MND1: variants seen among roughly 807,000 people sequenced by gnomAD.
MND1 encodes the protein meiotic nuclear divisions 1.
MND1 carries 28 observed loss-of-function variants against 35.1 expected under a neutral mutation model. That is an observed-to-expected ratio of 0.80 (90% CI 0.59 to 1.09). MND1 has a LOEUF of 1.09. Ranked by LOEUF, MND1 falls within the 50% of genes least tolerant of loss-of-function variation. The pLI is 0.00. For missense variants in MND1, 213 were observed against 239.6 expected, an observed-to-expected ratio of 0.89 and a Z score of 0.73; for synonymous variants, 69 against 70.5, an observed-to-expected ratio of 0.98 and a Z score of 0.11.
chr4:153,372,862 G>C (rs1773824824), intron 4 of MND1, among the ~76,000 whole-genome samples: 1 of 152,028 alleles, frequency 6.6e-6, no homozygotes, highest in Admixed American at 6.6e-5. Flanking sequence ...TGAACATATA[G>C]GTATTAAGCT....
chr4:153,413,881 T>C (rs1043139312), intron 7 of MND1, among the ~76,000 whole-genome samples: 2 of 152,216 alleles, frequency 1.3e-5, no homozygotes, highest in African/African-American at 2.4e-5. Flanking sequence ...GTTTGTTTTA[T>C]TTCCTTGGGA....
intron 4 of MND1, among the ~76,000 whole-genome samples, chr4:153,368,126 C>G (rs374958987): frequency 1.3e-5 from 2 of 152,130 alleles, no homozygotes; most frequent in African/African-American, 2.4e-5. Context: ...AAACTTTATA[C>G]AAGGTAATTT....
chr4:153,392,461 A>T (rs762297395), intron 4 of MND1, among the ~76,000 whole-genome samples: 1 of 152,092 alleles, frequency 6.6e-6, no homozygotes, highest in Non-Finnish European at 1.5e-5. Context: ...CCAATTATTA[A>T]TTATTTTCTA....
At chr4:153,366,062 G>A (rs1371153877) in intron 4 of MND1, among the ~76,000 whole-genome samples, 1 of 152,164 alleles carries the variant, frequency 6.6e-6, no homozygotes, top group Admixed American at 6.5e-5. Flanking sequence ...GAGGCTCTCT[G>A]GGATAATCTT....
At chr4:153,353,428 T>TATATAC (rs1554008937) in intron 2 of MND1, among the ~76,000 whole-genome samples, 1 of 134,484 alleles carries the variant, frequency 7.4e-6, no homozygotes, top group Non-Finnish European at 1.6e-5. Flanking sequence ...TATATATATA[T>TATATAC]ATATATATAT....
At chr4:153,386,183 T>C (rs1271406639) in intron 4 of MND1, among the ~76,000 whole-genome samples, 1 of 152,010 alleles carries the variant, frequency 6.6e-6, no homozygotes, top group African/African-American at 2.4e-5. Flanking sequence ...TTTTTGTTTT[T>C]TGTTTTTGTT....
chr4:153,381,690 ATATTTTTTTTTTTTTTTTT>A (rs1311699358), intron 4 of MND1: 4 of 27,442 alleles, frequency 1.5e-4, no homozygotes, highest in African/African-American at 4.8e-4. Context: ...ATATATATAT[ATATTTTTTTTTTTTTTTTT>A]TTTTTTTTTT....
chr4:153,359,851 G>C (rs138963087), intron 4 of MND1, among the ~76,000 whole-genome samples: 1 of 143,692 alleles, frequency 7.0e-6, no homozygotes, highest in East Asian at 2.1e-4. Flanking sequence ...GCAATGGTGC[G>C]ATCTCAGCTC....
At chr4:153,387,576 T>C (rs1692530985) in intron 4 of MND1, among the ~76,000 whole-genome samples, 3 of 152,078 alleles carry the variant, frequency 2.0e-5, no homozygotes, top group Admixed American at 6.6e-5. Context: ...CTGGACAACA[T>C]AGTGAGACCC....
intron 4 of MND1, among the ~76,000 whole-genome samples, chr4:153,360,551 A>C (rs1773455443): frequency 6.6e-6 from 1 of 150,806 alleles, no homozygotes; most frequent in Non-Finnish European, 1.5e-5. Context: ...GTCCAAAGTA[A>C]CTGTATTTTA....
At chr4:153,401,121 G>A (rs1404551702) in intron 6 of MND1, among the ~76,000 whole-genome samples, 1 of 152,014 alleles carries the variant, frequency 6.6e-6, no homozygotes, top group African/African-American at 2.4e-5. Context: ...ATGAAAATGG[G>A]GCCAGGCGCA....
chr4:153,378,975 A>G (rs1671498685), intron 4 of MND1, among the ~76,000 whole-genome samples: 1 of 152,220 alleles, frequency 6.6e-6, no homozygotes, highest in Non-Finnish European at 1.5e-5. Context: ...ACATGACATT[A>G]GCAAGTGAGA....
Position 153,397,275 on chromosome 4 carries a change from G to A in MND1, c.408G>A (p.Gln136=). 6.2e-7 allele frequency: 1 copy of A among 1,613,216 alleles called. No individual in the cohort carries two copies. The highest frequency in any genetic ancestry group is 1.1e-5 in the South Asian group (1 of 90,904). ...CTTCACTTCGAGACCAAAGGGAACA[G>A]CTAAAGGCAGAAGTAGAAAAATACA... ...ELSSLRDQRE[Q]LKAEVEKYKD... Residue 136 remains glutamine (Q), a synonymous_variant, in exon 6 of 8, where the codon CAG becomes CAA. Transcript: ENST00000240488.
chr4:153,390,854 C>T (rs562431943), intron 4 of MND1, among the ~76,000 whole-genome samples: 5 of 150,040 alleles, frequency 3.3e-5, no homozygotes, highest in Non-Finnish European at 7.4e-5. Context: ...AACAAAAAAA[C>T]AGAACCAGCC....
At chr4:153,395,655 G>A (rs984587993) in intron 5 of MND1, among the ~76,000 whole-genome samples, 24 of 152,144 alleles carry the variant, frequency 1.6e-4, no homozygotes, top group African/African-American at 5.6e-4. Context: ...AATGGATTTT[G>A]TATATTTATT....
At chr4:153,358,393 C>T in intron 3 of MND1, 81 bp from the exon 4 acceptor site, 1 of 1,213,010 alleles carries the variant, frequency 8.2e-7, no homozygotes, top group Non-Finnish European at 1.1e-6. Flanking sequence ...ATATGTTTTG[C>T]AAGTGTTTCC....
chr4:153,358,073 T>C (rs1718328046), intron 3 of MND1, among the ~76,000 whole-genome samples: 3 of 152,202 alleles, frequency 2.0e-5, no homozygotes, highest in Non-Finnish European at 4.4e-5. Flanking sequence ...TTCTCACAAG[T>C]AACATTTTAT....
intron 4 of MND1, among the ~76,000 whole-genome samples, chr4:153,380,988 C>T (rs1425899566): frequency 6.6e-6 from 1 of 151,932 alleles, no homozygotes; most frequent in East Asian, 1.9e-4. Flanking sequence ...CAAGCTCCGC[C>T]TCCTGGGTTC....
rs148272056 is a variant in MND1, at chr4:153,406,949, G to A, written c.467-2022G>A. ...ATGGTGGCAGACGAGAAGAGAGCTT[G>A]TGCAGGGAAACTCCCATTTTTAAAG... On this transcript the variant is annotated intron_variant, in intron 6 of 7. Coordinates refer to ENST00000240488, the MANE Select transcript of MND1 (RefSeq NM_032117.4). 5.0e-4 allele frequency among the ~76,000 whole-genome samples: 76 copies of A among 152,342 alleles called. 2 individuals carry two copies. The highest frequency in any genetic ancestry group is 1.8e-3 in the African/African-American group (75 of 41,580).
Sources: gnomAD v4.1 joint callset for allele counts (sites outside exome capture counted in the v4.1 genomes callset) on GRCh38, gnomAD v4.1.1 for gene constraint, MANE v1.5 for transcripts, NCBI Gene and HGNC (gene_info 2026-07-23, HGNC 2026-07-21) for gene names.